The following SYK variants were observed in gnomAD, a reference collection of about 807,000 sequenced individuals.
SYK encodes the protein tyrosine-protein kinase SYK.
Under a neutral mutation model 77.8 loss-of-function variants are expected in SYK, and 16 were observed. The ratio of observed to expected loss-of-function variants is 0.21; its 90% CI spans 0.14 to 0.31. SYK has a LOEUF of 0.31. Among genes scored for constraint, SYK ranks in the 10% least tolerant of loss-of-function variants. SYK has a pLI of 1.00. For synonymous variants in SYK, 312 were observed against 308.7 expected (o/e 1.01, Z -0.11); for missense variants, 529 against 814.4 (o/e 0.65, Z 4.26).
chr9:90,852,633 C>T (rs928529070), intron 3 of SYK, among the ~76,000 whole-genome samples: 33 of 152,280 alleles, frequency 2.2e-4, no homozygotes, highest in Non-Finnish European at 1.5e-4. Flanking sequence ...TGGCTGCTCT[C>T]CAAATAGCTC....
chr9:90,859,217 TA>T (rs1191890508), intron 3 of SYK, among the ~76,000 whole-genome samples: 2 of 152,228 alleles, frequency 1.3e-5, no homozygotes, highest in African/African-American at 4.8e-5. Context: ...CACACACTCA[TA>T]CCCATCTGTA....
intron 1 of SYK, among the ~76,000 whole-genome samples, chr9:90,842,575 T>G (rs1412800473): frequency 6.6e-6 from 1 of 151,362 alleles, no homozygotes; most frequent in East Asian, 1.9e-4. Context: ...GTGTGTAGCA[T>G]GTATGTAGTG....
intron 1 of SYK, among the ~76,000 whole-genome samples, chr9:90,842,625 TG>T (rs1276367306): frequency 2.0e-5 from 3 of 151,240 alleles, no homozygotes; most frequent in African/African-American, 7.3e-5. Flanking sequence ...GTGTGTGGTA[TG>T]TATGTAGTTT....
At chr9:90,835,778 T>C (rs569412256) in intron 1 of SYK, among the ~76,000 whole-genome samples, 73 of 152,324 alleles carry the variant, frequency 4.8e-4, no homozygotes, top group African/African-American at 1.7e-3. Context: ...GGTTCTCTGA[T>C]TCTGGCCCTG....
chr9:90,867,009 C>T (rs373980171), intron 6 of SYK, 122 bp from the exon 7 acceptor site: 12 of 1,019,976 alleles, frequency 1.2e-5, no homozygotes, highest in South Asian at 8.5e-5. Flanking sequence ...ATCTCATTGG[C>T]AGGGACAGGA....
chr9:90,818,150 C>T (rs537265930), intron 1 of SYK, among the ~76,000 whole-genome samples: 21 of 152,250 alleles, frequency 1.4e-4, no homozygotes, highest in African/African-American at 4.1e-4. Context: ...TGCTCAGGAT[C>T]GGGGTGCCCA....
chr9:90,852,387 T>C (rs1206834871), intron 3 of SYK, among the ~76,000 whole-genome samples: 2 of 152,218 alleles, frequency 1.3e-5, no homozygotes, highest in Non-Finnish European at 2.9e-5. Flanking sequence ...TTTATTGCCA[T>C]TGTGCACAGC....
intron 11 of SYK, among the ~76,000 whole-genome samples, chr9:90,882,777 G>T (rs988469116): frequency 6.6e-6 from 1 of 152,132 alleles, no homozygotes; most frequent in South Asian, 2.1e-4. Flanking sequence ...ACCAAGGAGC[G>T]ACAGGAAGCA....
intron 1 of SYK, among the ~76,000 whole-genome samples, chr9:90,835,820 T>C (rs938330093): frequency 6.6e-6 from 1 of 152,214 alleles, no homozygotes; most frequent in East Asian, 1.9e-4. Flanking sequence ...AGCAATTGCA[T>C]GTTTAGCATT....
intron 1 of SYK, among the ~76,000 whole-genome samples, chr9:90,810,343 C>G (rs1026008390): frequency 2.0e-5 from 3 of 152,148 alleles, no homozygotes; most frequent in Non-Finnish European, 4.4e-5. Flanking sequence ...GTCTCTGGGT[C>G]CAGATCTCCT....
rs749064963 is a variant in SYK at position 90,888,593 on chromosome 9, A to T, written c.1801A>T (p.Met601Leu). ...MGCPAGCPRE[M>L]YDLMNLCWTY... ...GTGCCCTGCAGGGTGTCCAAGAGAG[A>T]TGTACGATCTCATGAATCTGTGCTG... Residue 601 changes from methionine to leucine, a missense_variant, in exon 13 of 14, where the codon ATG becomes TTG. Coordinates refer to ENST00000375754, the MANE Select transcript of SYK (RefSeq NM_003177.7). The T allele has an allele frequency of 6.2e-7, 1 of 1,610,538 alleles. No homozygotes were observed. The highest frequency in any genetic ancestry group is 8.5e-7 in the Non-Finnish European group (1 of 1,178,626).
At chr9:90,855,009 CAT>C (rs1296341112) in intron 3 of SYK, among the ~76,000 whole-genome samples, 8 of 109,018 alleles carry the variant, frequency 7.3e-5, no homozygotes, top group Non-Finnish European at 1.5e-4. Context: ...CACACACATA[CAT>C]ACACACACAC....
At chr9:90,804,970 A>G (rs190630911) in intron 1 of SYK, among the ~76,000 whole-genome samples, 1 of 148,700 alleles carries the variant, frequency 6.7e-6, no homozygotes, top group Admixed American at 6.7e-5. Flanking sequence ...TTTTTCCTTT[A>G]TGAATCAATT....
intron 3 of SYK, among the ~76,000 whole-genome samples, chr9:90,861,535 C>T (rs568807497): frequency 2.8e-5 from 1 of 36,060 alleles, no homozygotes; most frequent in South Asian, 1.0e-3. Flanking sequence ...CCAGCCCTGC[C>T]TCCCTTTCCT....
chr9:90,824,852 T>C (rs1825620213), intron 1 of SYK, among the ~76,000 whole-genome samples: 1 of 151,950 alleles, frequency 6.6e-6, no homozygotes, highest in Non-Finnish European at 1.5e-5. Flanking sequence ...CTGTTCAACA[T>C]CCTACTGGGA....
chr9:90,842,757 GAGTGTGTGTGTGTGTGT>G, intron 1 of SYK, among the ~76,000 whole-genome samples: 1 of 23,764 alleles, frequency 4.2e-5, no homozygotes, highest in Non-Finnish European at 8.6e-5. Flanking sequence ...GGTATGGAGA[GAGTGTGTGTGTGTGTGT>G]GTGTGTGTGT....
intron 3 of SYK, among the ~76,000 whole-genome samples, 184 bp downstream of exon 3, chr9:90,845,778 G>C (rs904672205): frequency 5.9e-5 from 9 of 152,148 alleles, no homozygotes; most frequent in African/African-American, 2.2e-4. Context: ...TTGTGACCCA[G>C]TGTTTATTTT....
chr9:90,833,771 G>A (rs1825975947), intron 1 of SYK, among the ~76,000 whole-genome samples: 1 of 152,228 alleles, frequency 6.6e-6, no homozygotes, highest in Non-Finnish European at 1.5e-5. Context: ...AAGGGCAAAG[G>A]TTGTATAGTC....
intron 11 of SYK, among the ~76,000 whole-genome samples, chr9:90,885,047 T>C (rs1432832782): frequency 1.3e-5 from 2 of 149,336 alleles, no homozygotes; most frequent in Non-Finnish European, 3.0e-5. Context: ...CAAAAGCAAT[T>C]TCAAAAAACT....
Sources: allele counts gnomAD v4.1 joint callset (sites outside exome capture counted in the v4.1 genomes callset), GRCh38; gene constraint gnomAD v4.1.1; transcripts MANE v1.5; gene names NCBI Gene and HGNC (gene_info 2026-07-23, HGNC 2026-07-21).